The following IMPG2 variants were observed in gnomAD, a reference collection of about 807,000 sequenced individuals.
The protein encoded by IMPG2 is interphotoreceptor matrix proteoglycan 2.
A neutral mutation model predicts 129.2 loss-of-function variants in IMPG2; 91 were observed. That is an observed-to-expected ratio of 0.70 (90% CI 0.59 to 0.84). IMPG2 has a LOEUF of 0.84. IMPG2 is among the 40% of genes least tolerant of loss of function. The probability of loss-of-function intolerance (pLI) is 0.00; values close to 1 mark genes in which losing one functional copy is unlikely to be tolerated. For missense variants in IMPG2, 1,430 were observed against 1,461.7 expected (o/e 0.98, Z 0.35); for synonymous variants, 510 against 517.7 (o/e 0.99, Z 0.20).
chr3:101,265,485 G>A (rs912385571), intron 9 of IMPG2, among the ~76,000 whole-genome samples: 1 of 151,992 alleles, frequency 6.6e-6, no homozygotes, highest in Admixed American at 6.6e-5. Context: ...GGGAAAACTG[G>A]ATATCCATAT....
At chr3:101,263,319 G>C (rs1706689722) in intron 9 of IMPG2, among the ~76,000 whole-genome samples, 1 of 151,798 alleles carries the variant, frequency 6.6e-6, no homozygotes, top group Non-Finnish European at 1.5e-5. Flanking sequence ...CACAGAACAA[G>C]TCTCAAAAAA....
intron 4 of IMPG2, among the ~76,000 whole-genome samples, chr3:101,279,398 C>T (rs983438139): frequency 2.6e-5 from 4 of 152,136 alleles, no homozygotes; most frequent in African/African-American, 9.7e-5. Context: ...ATGCCAGAAA[C>T]CTCATTCTTA....
chr3:101,318,156 A>G (rs866273496), intron 2 of IMPG2, among the ~76,000 whole-genome samples: 1,024 of 16,392 alleles, frequency 0.062, 11 homozygotes, highest in African/African-American at 0.13. Flanking sequence ...AATAAATAAT[A>G]ATAATAATAA....
chr3:101,288,014 G>C (rs1010736029), intron 4 of IMPG2, among the ~76,000 whole-genome samples: 47 of 152,024 alleles, frequency 3.1e-4, no homozygotes, highest in African/African-American at 9.2e-4. Flanking sequence ...CTAATATCAA[G>C]AATCTATAGG....
chr3:101,288,052 G>C (rs1225746416), intron 4 of IMPG2, among the ~76,000 whole-genome samples: 1 of 151,830 alleles, frequency 6.6e-6, no homozygotes, highest in Non-Finnish European at 1.5e-5. Context: ...CCAGCAAAAA[G>C]CAAATAACCC....
chr3:101,313,560 G>T (rs2058767842), intron 2 of IMPG2, among the ~76,000 whole-genome samples: 1 of 152,042 alleles, frequency 6.6e-6, no homozygotes, highest in Non-Finnish European at 1.5e-5. Context: ...AGGGAAAAAT[G>T]TTATAATATT....
At chr3:101,318,739 C>T (rs2058796860) in intron 2 of IMPG2, among the ~76,000 whole-genome samples, 1 of 152,142 alleles carries the variant, frequency 6.6e-6, no homozygotes, top group African/African-American at 2.4e-5. Flanking sequence ...ACTAACATCA[C>T]ATCCATATTA....
At chr3:101,293,601 A>G (rs1202014331) in intron 3 of IMPG2, among the ~76,000 whole-genome samples, 1 of 152,222 alleles carries the variant, frequency 6.6e-6, no homozygotes, top group Admixed American at 6.5e-5. Context: ...GCATTATCCC[A>G]TAACAAGAAA....
At chr3:101,234,647 G>A (rs930046888) in intron 14 of IMPG2, among the ~76,000 whole-genome samples, 3 of 152,142 alleles carry the variant, frequency 2.0e-5, no homozygotes, top group South Asian at 2.1e-4. Context: ...ATCTTTATCC[G>A]GGTATTCGTT....
intron 9 of IMPG2, among the ~76,000 whole-genome samples, chr3:101,259,000 T>G (rs1706642092): frequency 6.6e-6 from 1 of 152,174 alleles, no homozygotes; most frequent in Non-Finnish European, 1.5e-5. Flanking sequence ...TTAAAAGACT[T>G]CCTTTAGATT....
In IMPG2 at chr3:101,243,658, A is replaced by C; in HGVS notation, c.2673T>G (p.Ser891Arg). ...CCAAAGCTCCTGAAGTCTGGGTATA[A>C]CTCAAGTCATCTCCTCCTTCTGTGG... is the stretch of plus-strand genomic sequence containing the variant. Reference protein sequence around the residue: ...AWPTEGGDDLSYTQTSGALVV... With the variant: ...AWPTEGGDDLRYTQTSGALVV... Residue 891 changes from serine to arginine, a missense_variant, in exon 13 of 19, where the codon AGT becomes AGG. By Grantham distance (110) the Ser-to-Arg change is moderately radical (BLOSUM62 -1). Coordinates refer to ENST00000193391, the MANE Select transcript of IMPG2 (RefSeq NM_016247.4). 6.2e-7 allele frequency: 1 copy of C among 1,613,960 alleles called. No individual in the cohort carries two copies. Among genetic ancestry groups the C allele is most frequent in the Non-Finnish European group, 8.5e-7 (1 of 1,179,972 alleles).
chr3:101,266,359 A>T (rs1280436824), intron 9 of IMPG2, among the ~76,000 whole-genome samples: 1 of 152,204 alleles, frequency 6.6e-6, no homozygotes, highest in Non-Finnish European at 1.5e-5. Context: ...TATGCAACCA[A>T]GTAGTTTAAC....
At chr3:101,247,427 G>A (rs1173325235) in intron 11 of IMPG2, among the ~76,000 whole-genome samples, 1 of 152,026 alleles carries the variant, frequency 6.6e-6, no homozygotes, top group African/African-American at 2.4e-5. Flanking sequence ...GAGAAACCCC[G>A]CCTCTGCTAA....
chr3:101,288,096 C>T (rs922604839), intron 4 of IMPG2, among the ~76,000 whole-genome samples: 27 of 152,016 alleles, frequency 1.8e-4, no homozygotes, highest in African/African-American at 6.5e-4. Context: ...AGACACTTCT[C>T]AAAAGAAGAC....
chr3:101,269,248 G>A (rs1325797933), intron 8 of IMPG2, among the ~76,000 whole-genome samples: 2 of 152,118 alleles, frequency 1.3e-5, no homozygotes, highest in African/African-American at 4.8e-5. Flanking sequence ...TAACTTGTCA[G>A]CAGCAAGCTG....
intron 13 of IMPG2, among the ~76,000 whole-genome samples, chr3:101,243,164 G>C (rs1181796203): frequency 3.9e-5 from 6 of 152,168 alleles, no homozygotes; most frequent in African/African-American, 1.2e-4. Context: ...GACACTCAGA[G>C]AGTTTATTCT....
At position 101,304,584 on chromosome 3, in the gene IMPG2, A is replaced by G. The variant is rs111943647; in HGVS notation, c.335-272T>C. On this transcript the variant is annotated intron_variant, in intron 2 of 18. Coordinates refer to ENST00000193391, the MANE Select transcript of IMPG2 (RefSeq NM_016247.4). ...GAGTGTCTCTCCCATCTCTTAAAAA[A>G]GTCCATGTTTATACTTCACAAAAGT... Among the ~76,000 whole-genome samples the G allele has an allele frequency of 6.6e-3, 1,007 of 152,304 alleles. 8 individuals carry two copies. The highest frequency in any genetic ancestry group is 0.023 in the African/African-American group (961 of 41,582).
chr3:101,280,842 G>A (rs903101024), intron 4 of IMPG2, among the ~76,000 whole-genome samples: 2 of 151,996 alleles, frequency 1.3e-5, no homozygotes, highest in African/African-American at 2.4e-5. Flanking sequence ...CCAGCTACTC[G>A]GGAGGCTGAG....
In IMPG2 at chr3:101,257,538, G is replaced by A. The variant is rs1706623747; in HGVS notation, c.1144C>T (p.Leu382Phe). 6.2e-7 allele frequency: 1 copy of A among 1,613,278 alleles called. No homozygotes were observed. The highest frequency in any genetic ancestry group is 8.5e-7 in the Non-Finnish European group (1 of 1,179,432). ...SLNPDPDSLQ[L>F]INVRGVLRHQ... ...TGGATATCAAACTCACCATTGATAA[G>A]CTGCAGGGAATCAGGATCTGGATTC... is the stretch of plus-strand genomic sequence containing the variant. The change falls in exon 10 of 19, where the codon CTT (leucine) becomes TTT (phenylalanine). Residue 382 changes from leucine (L) to phenylalanine (F), a missense_variant. By Grantham distance (22) the Leu-to-Phe change is conservative. Coordinates refer to ENST00000193391, the MANE Select transcript of IMPG2 (RefSeq NM_016247.4).
Sources: allele counts gnomAD v4.1 joint callset (sites outside exome capture counted in the v4.1 genomes callset), GRCh38; gene constraint gnomAD v4.1.1; transcripts MANE v1.5; gene names NCBI Gene and HGNC (gene_info 2026-07-23, HGNC 2026-07-21).